PATJ: variants seen among roughly 807,000 people sequenced by gnomAD.
The protein encoded by PATJ is PATJ crumbs cell polarity complex component, also known as inaD-like protein.
In PATJ, 190 loss-of-function variants were observed where a neutral mutation model predicts 224.9. The observed-to-expected ratio is 0.84, with a 90% confidence interval of 0.75 to 0.95. The LOEUF (loss-of-function observed/expected upper bound fraction) is 0.95, where lower values mean the gene tolerates loss of function less well. Among genes scored for constraint, PATJ ranks in the 40% least tolerant of loss-of-function variants. PATJ has a pLI of 0.00. For missense variants in PATJ, 2,121 were observed against 2,270.3 expected (o/e 0.93, Z 1.34); for synonymous variants, 769 against 820.3 (o/e 0.94, Z 1.07).
At chr1:61,743,716 T>C (rs962205736) in intron 1 of PATJ, among the ~76,000 whole-genome samples, 2 of 152,166 alleles carry the variant, frequency 1.3e-5, no homozygotes, top group Non-Finnish European at 1.5e-5. Context: ...AGATTGAGCC[T>C]TTTAGCTAAA....
intron 27 of PATJ, among the ~76,000 whole-genome samples, chr1:61,955,056 A>G (rs976882121): frequency 3.9e-5 from 6 of 152,146 alleles, no homozygotes; most frequent in Admixed American, 2.6e-4. Flanking sequence ...CCTGGCTGGT[A>G]TGCCAAACTC....
intron 27 of PATJ, among the ~76,000 whole-genome samples, chr1:61,961,262 CCTGG>C (rs1333091690): frequency 1.3e-5 from 2 of 152,210 alleles, no homozygotes; most frequent in African/African-American, 4.8e-5. Flanking sequence ...ACTATCGCAG[CCTGG>C]CACCCTTGTG....
chr1:62,032,097 C>G (rs1649426945), intron 29 of PATJ, among the ~76,000 whole-genome samples: 2 of 152,234 alleles, frequency 1.3e-5, no homozygotes, highest in South Asian at 4.2e-4. Context: ...TGGCTCAGTT[C>G]TCTGCCCAGG....
At chr1:61,969,879 A>C (rs997529875) in intron 27 of PATJ, among the ~76,000 whole-genome samples, 1 of 152,014 alleles carries the variant, frequency 6.6e-6, no homozygotes, top group Non-Finnish European at 1.5e-5. Context: ...TTTTTAGTAG[A>C]GATGGGGTTT....
At chr1:62,059,664 A>G (rs1013615510) in intron 31 of PATJ, among the ~76,000 whole-genome samples, 5 of 152,168 alleles carry the variant, frequency 3.3e-5, no homozygotes, top group Non-Finnish European at 7.3e-5. Flanking sequence ...TCAATTTTGC[A>G]AAGAAAATTA....
At chr1:61,880,614 A>G (rs1363557121) in intron 21 of PATJ, among the ~76,000 whole-genome samples, 1 of 152,236 alleles carries the variant, frequency 6.6e-6, no homozygotes, top group Non-Finnish European at 1.5e-5. Context: ...CACAATCTTG[A>G]TAAGAGCATA....
intron 18 of PATJ, among the ~76,000 whole-genome samples, chr1:61,861,057 T>C (rs1275874636): frequency 2.0e-5 from 3 of 151,204 alleles, no homozygotes; most frequent in Non-Finnish European, 4.4e-5. Flanking sequence ...CTTAATTTTG[T>C]GCCAGGTACA....
At chr1:61,840,723 A>G (rs769460271) in intron 17 of PATJ, among the ~76,000 whole-genome samples, 3 of 152,012 alleles carry the variant, frequency 2.0e-5, no homozygotes, top group Non-Finnish European at 2.9e-5. Context: ...TATTTTTGTG[A>G]TACTCTTTTG....
At chr1:61,996,314 T>G (rs1027743669) in intron 28 of PATJ, among the ~76,000 whole-genome samples, 1 of 152,204 alleles carries the variant, frequency 6.6e-6, no homozygotes, top group African/African-American at 2.4e-5. Context: ...AGCTGCTTCA[T>G]GCAAAAGTCC....
intron 34 of PATJ, among the ~76,000 whole-genome samples, chr1:62,112,605 G>A (rs941893492): frequency 6.6e-6 from 1 of 152,204 alleles, no homozygotes; most frequent in African/African-American, 2.4e-5. Flanking sequence ...ACACAGGGCT[G>A]GACCAGAATA....
chr1:61,926,147 G>C (rs938561205), intron 26 of PATJ, among the ~76,000 whole-genome samples: 2 of 152,164 alleles, frequency 1.3e-5, no homozygotes, highest in Non-Finnish European at 2.9e-5. Context: ...GAGGATACCA[G>C]AGTCTGTTTT....
chr1:61,949,003 G>A (rs928684071), intron 27 of PATJ, among the ~76,000 whole-genome samples: 2 of 149,712 alleles, frequency 1.3e-5, no homozygotes, highest in African/African-American at 4.9e-5. Context: ...TCGTAGGTGG[G>A]AATTGAACAG....
chr1:62,087,291 C>T (rs1660128415), intron 33 of PATJ, among the ~76,000 whole-genome samples: 1 of 152,046 alleles, frequency 6.6e-6, no homozygotes, highest in South Asian at 2.1e-4. Context: ...CAAAGTCCAG[C>T]CATCCCTCTA....
chr1:62,136,669 G>GTGTGTGTGTGTGTGTGTGTC (rs1666925487), intron 41 of PATJ, among the ~76,000 whole-genome samples: 2 of 116,396 alleles, frequency 1.7e-5, no homozygotes, highest in Non-Finnish European at 4.2e-5. Flanking sequence ...GTGTGTCTGT[G>GTGTGTGTGTGTGTGTGTGTC]TGTGTGTGTG....
intron 29 of PATJ, among the ~76,000 whole-genome samples, chr1:62,031,739 T>C (rs61775656): frequency 0.13 from 20,192 of 152,242 alleles, 1,568 homozygotes; most frequent in Middle Eastern, 0.26. Flanking sequence ...TCAGCTCTGC[T>C]ATTTGTCAGC....
chr1:62,115,292 A>G (rs1664331844), intron 35 of PATJ, among the ~76,000 whole-genome samples: 1 of 152,082 alleles, frequency 6.6e-6, no homozygotes, highest in Non-Finnish European at 1.5e-5. Flanking sequence ...CCTGTGCAAC[A>G]AGAGCGAAAC....
At chr1:62,100,115 G>A (rs11807980) in intron 33 of PATJ, among the ~76,000 whole-genome samples, 6,213 of 135,888 alleles carry the variant, frequency 0.046, 386 homozygotes, top group African/African-American at 0.13. Flanking sequence ...CTTAATACTT[G>A]GTTCTCTTAA....
At chr1:61,956,237 T>C (rs934005910) in intron 27 of PATJ, among the ~76,000 whole-genome samples, 1 of 152,198 alleles carries the variant, frequency 6.6e-6, no homozygotes, top group African/African-American at 2.4e-5. Context: ...GCTAACCAGA[T>C]GGGAATGGGT....
intron 22 of PATJ, among the ~76,000 whole-genome samples, chr1:61,889,590 TG>T (rs1669311114): frequency 6.6e-6 from 1 of 152,166 alleles, no homozygotes; most frequent in South Asian, 2.1e-4. Flanking sequence ...CAACAATAAC[TG>T]GTAATCAAAT....
Sources: gnomAD v4.1 joint callset for allele counts (sites outside exome capture counted in the v4.1 genomes callset) on GRCh38, gnomAD v4.1.1 for gene constraint, MANE v1.5 for transcripts, NCBI Gene and HGNC (gene_info 2026-07-23, HGNC 2026-07-21) for gene names.